The following SLC9A2 variants were observed in gnomAD, a reference collection of about 807,000 sequenced individuals.
The protein encoded by SLC9A2 is solute carrier family 9 member A2, also known as sodium/hydrogen exchanger 2.
Under a neutral mutation model 71.7 loss-of-function variants are expected in SLC9A2, and 42 were observed. The ratio of observed to expected loss-of-function variants is 0.59; its 90% CI spans 0.46 to 0.76. The LOEUF (loss-of-function observed/expected upper bound fraction) is 0.76, where lower values mean the gene tolerates loss of function less well. SLC9A2 is among the 30% of genes least tolerant of loss of function. The pLI is 0.00. For synonymous variants in SLC9A2, 396 were observed against 392.5 expected (o/e 1.01, Z -0.10); for missense variants, 829 against 1,017.4 (o/e 0.81, Z 2.52).
rs1677742184 is a variant in SLC9A2 at position 102,695,708 on chromosome 2, G to A, written c.1586+595G>A. Among the ~76,000 whole-genome samples, 4 of 146,494 alleles carry A rather than the reference G, an allele frequency of 2.7e-5. No homozygotes were observed. In the South Asian group the frequency reaches 8.5e-4, roughly 31 times the overall value. ...CACATGGTGGGAGACTTTGTCAAAT[G>A]CAGAGATTCAGACCATCTAAGGATG... On this transcript the variant is annotated intron_variant, in intron 7 of 11. Transcript: ENST00000233969.
chr2:102,635,852 T>C (rs1275726720), intron 1 of SLC9A2, among the ~76,000 whole-genome samples: 1 of 152,136 alleles, frequency 6.6e-6, no homozygotes, highest in African/African-American at 2.4e-5. Flanking sequence ...AGCTAATCTG[T>C]TTACTTAATG....
chr2:102,688,074 G>A (rs1282447731), intron 5 of SLC9A2, among the ~76,000 whole-genome samples: 2 of 152,102 alleles, frequency 1.3e-5, no homozygotes, highest in African/African-American at 4.8e-5. Context: ...GCACCACCAT[G>A]CCCGGCCGTG....
At chr2:102,641,714 T>A in intron 1 of SLC9A2, among the ~76,000 whole-genome samples, 1 of 151,972 alleles carries the variant, frequency 6.6e-6, no homozygotes, top group East Asian at 1.9e-4. Context: ...AGGACAGAAG[T>A]CATGTCTGTC....
chr2:102,628,000 G>A (rs1343876985), intron 1 of SLC9A2, among the ~76,000 whole-genome samples: 2 of 152,052 alleles, frequency 1.3e-5, no homozygotes, highest in Admixed American at 6.6e-5. Flanking sequence ...TACTTCAGTA[G>A]CTTACTTACT....
intron 3 of SLC9A2, among the ~76,000 whole-genome samples, chr2:102,672,503 CTGA>C (rs1677272439): frequency 6.6e-6 from 1 of 152,140 alleles, no homozygotes. Context: ...TCTCCCCGCT[CTGA>C]TGATAATTGT....
intron 5 of SLC9A2, among the ~76,000 whole-genome samples, chr2:102,690,160 C>T (rs1303582561): frequency 2.0e-5 from 3 of 152,026 alleles, no homozygotes; most frequent in Non-Finnish European, 4.4e-5. Flanking sequence ...GGAATCAGCC[C>T]AGGAGGCCGG....
At chr2:102,660,133 G>A (rs1677022680) in intron 2 of SLC9A2, among the ~76,000 whole-genome samples, 1 of 152,170 alleles carries the variant, frequency 6.6e-6, no homozygotes, top group African/African-American at 2.4e-5. Context: ...AGGCCATCCA[G>A]ACACACACCC....
chr2:102,657,593 A>G lies in SLC9A2; in HGVS notation c.319A>G (p.Ile107Val). 3.7e-6 allele frequency: 6 copies of G among 1,612,930 alleles called. No individual in the cohort carries two copies. The highest frequency in any genetic ancestry group is 1.6e-4 in the Middle Eastern group (1 of 6,080). The part of the protein sequence containing the change: ...GFHLYHKLPT[I>V]VPESCLLIMV... Reference sequence around the variant, plus strand: ...CCATCTGTATCACAAGTTGCCCACAATAGTGCCTGAGAGCTGCCTTCTTAT... The same window carrying G: ...CCATCTGTATCACAAGTTGCCCACAGTAGTGCCTGAGAGCTGCCTTCTTAT... The change falls in exon 2 of 12, where the codon ATA becomes GTA. Residue 107 changes from isoleucine to valine, a missense_variant. By Grantham distance (29) the Ile-to-Val change is conservative. Around this residue, in one of 3 missense-constraint regions of SLC9A2, gnomAD observed 500 missense variants for 726.3 expected, o/e 0.69. Coordinates refer to ENST00000233969, the MANE Select transcript of SLC9A2 (RefSeq NM_003048.6).
chr2:102,665,122 C>A lies in SLC9A2; in HGVS notation c.776C>A (p.Ser259Ter). The change falls in exon 3 of 12, where the codon TCG becomes TAG. Residue 259 changes from serine to a stop codon, truncating the protein, a stop_gained. Transcript: ENST00000233969. LOFTEE classifies it high-confidence loss of function. Reference sequence around the variant, plus strand: ...CAGGTCCTGTACAACTTGTTCAAGTCGTTTTGCCAGATGAAAACCATTGAG... The same window carrying A: ...CAGGTCCTGTACAACTTGTTCAAGTAGTTTTGCCAGATGAAAACCATTGAG... ...VTVVLYNLFK[S>*]FCQMKTIETI... is the part of the protein sequence containing the mutation. 1.9e-6 allele frequency: 3 copies of A among 1,612,932 alleles called. No homozygotes were observed. Among genetic ancestry groups the A allele is most frequent in the Non-Finnish European group, 2.5e-6 (3 of 1,179,634 alleles).
chr2:102,634,902 C>A (rs1676439138), intron 1 of SLC9A2, among the ~76,000 whole-genome samples: 1 of 152,110 alleles, frequency 6.6e-6, no homozygotes, highest in African/African-American at 2.4e-5. Context: ...TAGGCTCTCT[C>A]ATTGACCCTC....
intron 1 of SLC9A2, among the ~76,000 whole-genome samples, chr2:102,651,282 T>G (rs1676828794): frequency 6.6e-6 from 1 of 152,168 alleles, no homozygotes; most frequent in Admixed American, 6.6e-5. Flanking sequence ...GTCATGACAT[T>G]CCTCTGCTCA....
Position 102,709,496 on chromosome 2 carries a change from G to A in SLC9A2, c.*1007G>A, listed in dbSNP as rs1399056578. ...TGAGCCTCCAGGTTAGAGGCTCCAA[G>A]CAGACAAAGAAGAAAGTTTGTAGAC... On this transcript the variant is annotated 3_prime_UTR_variant, in exon 12 of 12. Coordinates refer to ENST00000233969, the MANE Select transcript of SLC9A2 (RefSeq NM_003048.6). 6.6e-6 allele frequency: 1 copy of A among 152,462 alleles called. No individual in the cohort carries two copies. The highest frequency in any genetic ancestry group is 6.6e-5 in the Admixed American group (1 of 15,264). The allele number at this position is 152,462 out of a possible 1,614,324, so 9.4% of individuals were successfully genotyped here. A position where few individuals can be genotyped will look rare whatever the true frequency, so the allele number is the denominator to read the frequency against.
intron 1 of SLC9A2, among the ~76,000 whole-genome samples, chr2:102,656,592 G>C (rs1676947557): frequency 6.6e-6 from 1 of 152,212 alleles, no homozygotes; most frequent in Admixed American, 6.5e-5. Flanking sequence ...GAGGCATCCT[G>C]ACGAATTGAT....
intron 5 of SLC9A2, among the ~76,000 whole-genome samples, chr2:102,692,339 G>A (rs1677679858): frequency 6.6e-6 from 1 of 152,162 alleles, no homozygotes; most frequent in Non-Finnish European, 1.5e-5. Flanking sequence ...AAAAATGGAT[G>A]TGTATGTGTG....
intron 3 of SLC9A2, among the ~76,000 whole-genome samples, chr2:102,667,084 C>A (rs1342420273): frequency 6.6e-6 from 1 of 152,214 alleles, no homozygotes; most frequent in African/African-American, 2.4e-5. Context: ...GGGGTCATGA[C>A]AGCCCTGAGT....
At chr2:102,674,555 G>A (rs1291078192) in intron 3 of SLC9A2, among the ~76,000 whole-genome samples, 1 of 152,210 alleles carries the variant, frequency 6.6e-6, no homozygotes, top group African/African-American at 2.4e-5. Flanking sequence ...AAGTGGCCCT[G>A]ATTCTGTCTT....
intron 1 of SLC9A2, among the ~76,000 whole-genome samples, chr2:102,641,193 G>A (rs1676573592): frequency 6.6e-6 from 1 of 152,168 alleles, no homozygotes; most frequent in African/African-American, 2.4e-5. Flanking sequence ...TCAGGATGGT[G>A]GGCAGTTTGT....
chr2:102,632,664 T>C (rs1676398928), intron 1 of SLC9A2, among the ~76,000 whole-genome samples: 1 of 152,126 alleles, frequency 6.6e-6, no homozygotes, highest in Non-Finnish European at 1.5e-5. Context: ...AGATCTCTGT[T>C]ATGACTGTGA....
intron 1 of SLC9A2, among the ~76,000 whole-genome samples, chr2:102,624,840 C>T (rs370804913): frequency 2.6e-5 from 4 of 152,262 alleles, no homozygotes; most frequent in Non-Finnish European, 4.4e-5. Context: ...TTCATGAAGA[C>T]GTCTCCCCTG....
Sources: gnomAD v4.1 joint callset for allele counts (sites outside exome capture counted in the v4.1 genomes callset) on GRCh38, gnomAD v4.1.1 for gene constraint, gnomAD v4.1.1 regional missense constraint, MANE v1.5 for transcripts, NCBI Gene and HGNC (gene_info 2026-07-23, HGNC 2026-07-21) for gene names.